BIVM: variants seen among roughly 807,000 people sequenced by gnomAD.
BIVM encodes the protein basic immunoglobulin-like variable motif-containing protein.
In BIVM, 31 loss-of-function variants were observed where a neutral mutation model predicts 61.4. The ratio of observed to expected loss-of-function variants is 0.51; its 90% confidence interval spans 0.38 to 0.68. The LOEUF (loss-of-function observed/expected upper bound fraction) is 0.68. Among genes scored for constraint, BIVM ranks in the 30% least tolerant of loss-of-function variants. The pLI is 0.00. For synonymous variants in BIVM, 189 were observed against 210.7 expected (o/e 0.90, Z 0.89); for missense variants, 526 against 596.0 (o/e 0.88, Z 1.22).
chr13:102,807,429 A>T lies in BIVM; in HGVS notation c.162A>T (p.Pro54=). The part of the protein sequence containing the change: ...PLGPKGDGHY[P]WSCPVTHTRE... The stretch of plus-strand genomic sequence containing the variant: ...GTCCCAAAGGAGATGGTCATTATCC[A>T]TGGAGTTGTCCAGTGACTCATACAC... Residue 54 remains proline (P), a synonymous_variant, in exon 3 of 11, where the codon CCA becomes CCT. Coordinates refer to ENST00000257336, the MANE Select transcript of BIVM (RefSeq NM_017693.4). The surrounding 1 kb of genome is among the most constrained non-coding windows in gnomAD (Gnocchi z 4.0). 1 of 1,614,206 alleles carries T rather than the reference A, an allele frequency of 6.2e-7. No homozygotes were observed.
At chr13:102,818,488 T>A (rs1880027136) in intron 4 of BIVM, among the ~76,000 whole-genome samples, 1 of 152,178 alleles carries the variant, frequency 6.6e-6, no homozygotes, top group African/African-American at 2.4e-5. Context: ...GTCACAAACA[T>A]TCATTTTAGT....
intron 9 of BIVM, among the ~76,000 whole-genome samples, chr13:102,835,765 T>C (rs1881426189): frequency 6.6e-6 from 1 of 152,232 alleles, no homozygotes; most frequent in Non-Finnish European, 1.5e-5. Context: ...ACTACTGATA[T>C]CAAGTGATCC....
intron 7 of BIVM, among the ~76,000 whole-genome samples, chr13:102,829,137 C>T (rs1205645758): frequency 6.6e-6 from 1 of 151,870 alleles, no homozygotes; most frequent in Non-Finnish European, 1.5e-5. Flanking sequence ...TAAAAATATA[C>T]TCTATAAGTT....
At chr13:102,817,825 G>A (rs550639515) in intron 4 of BIVM, among the ~76,000 whole-genome samples, 2 of 152,038 alleles carry the variant, frequency 1.3e-5, no homozygotes, top group African/African-American at 2.4e-5. Flanking sequence ...ATGTATTACT[G>A]ACCCTGATTT....
intron 4 of BIVM, chr13:102,820,763 T>G (rs1179403412): frequency 3.0e-6 from 1 of 330,786 alleles, no homozygotes; most frequent in Non-Finnish European, 5.5e-6. Context: ...AAACTTTTAA[T>G]AGGCGATATA....
chr13:102,802,745 CT>C (rs35905954), intron 1 of BIVM, among the ~76,000 whole-genome samples: 6,160 of 132,054 alleles, frequency 0.047, 118 homozygotes, highest in African/African-American at 0.073. Context: ...TCTCTCTTTC[CT>C]TTTTTTTTTT....
In BIVM at chr13:102,821,009, TGAA is replaced by T. The variant is rs551157853; in HGVS notation, c.606-24_606-22del. On this transcript the variant is annotated intron_variant, in intron 4 of 10. Transcript: ENST00000257336. ...CATGCATATTTTGTGTTCATTCAAG[TGAA>T]GAAAACAGTCTTTTGTGTTCTCAGG... The T allele has an allele frequency of 8.0e-4, 1,273 of 1,593,360 alleles. 8 individuals are homozygous for T. In the African/African-American group the frequency reaches 0.015, roughly 19 times the overall value.
At chr13:102,818,310 T>C (rs541867021) in intron 4 of BIVM, among the ~76,000 whole-genome samples, 1 of 152,304 alleles carries the variant, frequency 6.6e-6, no homozygotes, top group African/African-American at 2.4e-5. Flanking sequence ...TTCATGCTGT[T>C]TGCGTATAAT....
At chr13:102,819,738 C>A (rs1015601727) in intron 4 of BIVM, among the ~76,000 whole-genome samples, 12 of 152,046 alleles carry the variant, frequency 7.9e-5, no homozygotes, top group African/African-American at 2.9e-4. Flanking sequence ...GCTGCACATC[C>A]TGCATGTATA....
chr13:102,811,458 C>T (rs534023409), intron 3 of BIVM, among the ~76,000 whole-genome samples: 1 of 152,318 alleles, frequency 6.6e-6, no homozygotes, highest in Non-Finnish European at 1.5e-5. Context: ...TTCTTATTAA[C>T]AGTCCATTGT....
intron 7 of BIVM, among the ~76,000 whole-genome samples, chr13:102,830,425 T>G (rs957761393): frequency 6.6e-6 from 1 of 152,212 alleles, no homozygotes; most frequent in Non-Finnish European, 1.5e-5. Flanking sequence ...TAATTTAGCT[T>G]CTTCTAGGAC....
rs776726183 is a variant in BIVM, at chr13:102,834,491, G to T, written c.1060G>T (p.Val354Phe). ...FSRGPLSPQE[V>F]EYWILIGESS... The stretch of plus-strand genomic sequence containing the variant: ...CAGGGGACCTCTCTCACCACAGGAA[G>T]TTGAATATTGGATCTTAATTGGAGA... Residue 354 changes from valine to phenylalanine, a missense_variant, in exon 9 of 11, where the codon GTT becomes TTT. Physicochemically the swap from Val to Phe is conservative, Grantham distance 50. Transcript: ENST00000257336. The T allele has an allele frequency of 2.5e-6, 4 of 1,598,348 alleles. No individual in the cohort carries two copies. The highest frequency in any genetic ancestry group is 3.4e-6 in the Non-Finnish European group (4 of 1,175,098).
At chr13:102,809,971 G>T (rs1879381736) in intron 3 of BIVM, among the ~76,000 whole-genome samples, 1 of 151,968 alleles carries the variant, frequency 6.6e-6, no homozygotes. Context: ...ATTTTTAGTA[G>T]GGTCGGGGTT....
chr13:102,825,930 C>T (rs753565313), intron 7 of BIVM, among the ~76,000 whole-genome samples: 1 of 151,974 alleles, frequency 6.6e-6, no homozygotes, highest in African/African-American at 2.4e-5. Context: ...CTTGGTGCAC[C>T]GTATGGTTTC....
rs749399763 is a variant in BIVM, at chr13:102,816,529, C to T, written c.580C>T (p.Arg194Trp). The T allele has an allele frequency of 5.7e-6, 9 of 1,583,704 alleles. No individual in the cohort carries two copies. Among genetic ancestry groups the T allele is most frequent in the Middle Eastern group, 1.7e-4 (1 of 6,000 alleles). ...QHSPLEDIKQ[R>W]KVLDLRRWYC... ...TTCTCCTCTTGAAGATATTAAACAG[C>T]GGAAAGTATTAGACCTCAGACGATG... The change falls in exon 4 of 11, where the codon CGG (arginine) becomes TGG (tryptophan). Residue 194 changes from arginine to tryptophan, a missense_variant. Coordinates refer to ENST00000257336, the MANE Select transcript of BIVM (RefSeq NM_017693.4).
chr13:102,839,741 G>T lies in BIVM; in HGVS notation c.1388G>T (p.Gly463Val), dbSNP rs879173679. Reference sequence around the variant, plus strand: ...GACAATATTTCCAAGAAGCAGCATGGGCGTCTGGGCCGGTCTTTCAGTGCT... The same window carrying T: ...GACAATATTTCCAAGAAGCAGCATGTGCGTCTGGGCCGGTCTTTCAGTGCT... ...SEDNISKKQH[G>V]RLGRSFSASF... Residue 463 changes from glycine (G) to valine (V), a missense_variant, in exon 11 of 11, where the codon GGG (glycine) becomes GTG (valine). By Grantham distance (109) the Gly-to-Val change is moderately radical. This residue lies in a region of BIVM where 210 missense variants were observed against 233.1 expected (regional missense o/e 0.90). Transcript: ENST00000257336. The T allele has an allele frequency of 8.1e-6, 13 of 1,614,036 alleles. No homozygotes were observed. Among genetic ancestry groups the T allele is most frequent in the Admixed American group, 6.7e-5 (4 of 60,002 alleles).
At chr13:102,836,471 C>T (rs1881481364) in intron 9 of BIVM, among the ~76,000 whole-genome samples, 1 of 152,116 alleles carries the variant, frequency 6.6e-6, no homozygotes, top group Admixed American at 6.6e-5. Context: ...TGCCCCCATG[C>T]CCTACTAATT....
intron 3 of BIVM, among the ~76,000 whole-genome samples, chr13:102,813,450 T>C (rs543152436): frequency 6.6e-6 from 1 of 152,202 alleles, no homozygotes; most frequent in African/African-American, 2.4e-5. Flanking sequence ...ATAGCTTCTA[T>C]TTCTCATCTG....
Position 102,821,852 on chromosome 13 carries a change from G to T in BIVM, c.806+5G>T. 1 of 1,611,382 alleles carries T rather than the reference G, an allele frequency of 6.2e-7. No individual in the cohort carries two copies. The highest frequency in any genetic ancestry group is 8.5e-7 in the Non-Finnish European group (1 of 1,179,074). On this transcript the variant is annotated splice_donor_5th_base_variant and intron_variant, in intron 6 of 10. Transcript: ENST00000257336. ...GGGGAATACAACACTTATGAGGTAT[G>T]AAGACCCTCTTAGAGGCAATATCGT...
Sources: gnomAD v4.1 joint callset for allele counts (sites outside exome capture counted in the v4.1 genomes callset) on GRCh38, gnomAD v4.1.1 for gene constraint, gnomAD v4.1.1 regional missense constraint, Gnocchi (gnomAD v3.1) non-coding constraint, MANE v1.5 for transcripts, NCBI Gene and HGNC (gene_info 2026-07-23, HGNC 2026-07-21) for gene names.